Variants in SLC5A3 observed in about 807,000 individuals in gnomAD.
SLC5A3 encodes the protein solute carrier family 5 member 3.
SLC5A3 carries 10 observed loss-of-function variants against 43.2 expected under a neutral mutation model. That is an observed-to-expected ratio of 0.23 (90% CI 0.14 to 0.39). SLC5A3 has a LOEUF of 0.39. Among genes scored for constraint, SLC5A3 ranks in the 10% least tolerant of loss-of-function variants. The pLI is 1.00. For synonymous variants in SLC5A3, 349 were observed against 322.0 expected (o/e 1.08, Z -0.90); for missense variants, 608 against 893.4 (o/e 0.68, Z 4.07).
At position 34,095,747 on chromosome 21, in the gene SLC5A3, C is replaced by T. The variant is rs371781200; in HGVS notation, c.549C>T (p.Tyr183=). The T allele has an allele frequency of 9.3e-5, 150 of 1,613,914 alleles. No homozygotes were observed. Among genetic ancestry groups the T allele is most frequent in the Non-Finnish European group, 1.2e-4 (141 of 1,179,988 alleles). Residue 183 remains tyrosine, a synonymous_variant, in exon 2 of 2, where the codon TAC becomes TAT. Coordinates refer to ENST00000381151, the MANE Select transcript of SLC5A3 (RefSeq NM_006933.7). The stretch of plus-strand genomic sequence containing the variant: ...CCGGAGGCCTTGTTGCAGTGATCTA[C>T]ACAGACACTCTGCAGGCTCTGCTCA... ...TVTGGLVAVI[Y]TDTLQALLMI... is the part of the protein sequence containing the mutation.
chr21:34,096,231 G>A lies in SLC5A3; in HGVS notation c.1033G>A (p.Gly345Ser). ...CATGCTGGTGTGTGGAAGCAGAGCT[G>A]GTTGCTCCAATATTGCTTACCCACG... ...HCMLVCGSRA[G>S]CSNIAYPRLV... Residue 345 changes from glycine to serine, a missense_variant, in exon 2 of 2, where the codon GGT becomes AGT. Gly to Ser is a moderately conservative substitution (Grantham distance 56, BLOSUM62 0). Transcript: ENST00000381151. This position sits in a 1 kb window ranked among gnomAD's most constrained non-coding sequence, Gnocchi z 5.9. The A allele has an allele frequency of 6.2e-7, 1 of 1,614,136 alleles. No individual in the cohort carries two copies. The highest frequency in any genetic ancestry group is 8.5e-7 in the Non-Finnish European group (1 of 1,180,008).
rs992860529 is a variant in SLC5A3, at chr21:34,105,259, C to T, written c.*7904C>T. On this transcript the variant is annotated 3_prime_UTR_variant, in exon 2 of 2. Transcript: ENST00000381151. The stretch of plus-strand genomic sequence containing the variant: ...GACATCCCATTTTCTTTTGTCCAGA[C>T]CCATGTTGGCAATCATGTATGAACT... The T allele has an allele frequency of 9.0e-6, 9 of 1,000,058 alleles. No individual in the cohort carries two copies. The highest frequency in any genetic ancestry group is 9.6e-6 in the Non-Finnish European group (8 of 829,984). The allele number at this position is 1,000,058 out of a possible 1,614,324, so 61.9% of individuals were successfully genotyped here.
intron 1 of SLC5A3, among the ~76,000 whole-genome samples, chr21:34,093,577 C>T (rs541260910): frequency 6.6e-6 from 1 of 151,594 alleles, no homozygotes; most frequent in East Asian, 1.9e-4. Flanking sequence ...AGGAAAATGC[C>T]TAGAATCATC....
At chr21:34,089,336 T>A (rs191410468) in intron 1 of SLC5A3, among the ~76,000 whole-genome samples, 71 of 152,060 alleles carry the variant, frequency 4.7e-4, no homozygotes, top group Non-Finnish European at 9.7e-4. Flanking sequence ...CATGTTTTCA[T>A]TTATCTTTAA....
chr21:34,098,286 A>C lies in SLC5A3; in HGVS notation c.*931A>C. The C allele has an allele frequency of 1.0e-6, 1 of 1,000,064 alleles. No individual in the cohort carries two copies. The highest frequency in any genetic ancestry group is 1.2e-6 in the Non-Finnish European group (1 of 829,938). 61.9% of individuals were successfully genotyped at this position (1,000,064 alleles called of 1,614,324 possible). A position where few individuals can be genotyped will look rare whatever the true frequency, so the allele number is the denominator to read the frequency against. ...TGTTATTTGGAAAAATTATTAGCCA[A>C]ATGCCTTCCTAGGTGGATCCAGTTG... On this transcript the variant is annotated 3_prime_UTR_variant, in exon 2 of 2. Transcript: ENST00000381151.
rs1306158265 is a variant in SLC5A3 at position 34,105,340 on chromosome 21, T to C, written c.*7985T>C. On this transcript the variant is annotated 3_prime_UTR_variant, in exon 2 of 2. Transcript: ENST00000381151. ...TTTTTGATAAGATGGATATCAAAAA[T>C]AGTTGCTGTGCAAAAGTTAGTAGTC... 6.0e-6 allele frequency: 6 copies of C among 999,614 alleles called. No individual in the cohort carries two copies. The highest frequency in any genetic ancestry group is 7.2e-6 in the Non-Finnish European group (6 of 829,556). 61.9% of individuals were successfully genotyped at this position (999,614 alleles called of 1,614,324 possible). A position where few individuals can be genotyped will look rare whatever the true frequency, so the allele number is the denominator to read the frequency against.
chr21:34,095,908 A>G lies in SLC5A3; in HGVS notation c.710A>G (p.Asn237Ser). ...TTGACATACAACCTTTCCAACACAAATTCTTGTAATGTCTCCCCTAAGAAA... is the reference window on the plus strand; with the variant it reads ...TTGACATACAACCTTTCCAACACAAGTTCTTGTAATGTCTCCCCTAAGAAA... ...ILLTYNLSNTNSCNVSPKKEA... is the reference protein window; with the variant it reads ...ILLTYNLSNTSSCNVSPKKEA... The change falls in exon 2 of 2, where the codon AAT (asparagine) becomes AGT (serine). Residue 237 changes from asparagine (N) to serine (S), a missense_variant. Transcript: ENST00000381151. 6.2e-7 allele frequency: 1 copy of G among 1,614,122 alleles called. No homozygotes were observed. The highest frequency in any genetic ancestry group is 8.5e-7 in the Non-Finnish European group (1 of 1,179,996).
chr21:34,093,207 G>A (rs62212118), intron 1 of SLC5A3, among the ~76,000 whole-genome samples: 8,928 of 151,144 alleles, frequency 0.059, 303 homozygotes, highest in Middle Eastern at 0.13. Context: ...GATTTGGCAG[G>A]TATGAAGTGA....
chr21:34,074,622 A>G (rs1339434761), intron 1 of SLC5A3, among the ~76,000 whole-genome samples: 1 of 152,194 alleles, frequency 6.6e-6, no homozygotes, highest in African/African-American at 2.4e-5. Flanking sequence ...TCGTCGCCGA[A>G]ATCCCCATTC....
chr21:34,101,754 T>G lies in SLC5A3; in HGVS notation c.*4399T>G. 1.0e-6 allele frequency: 1 copy of G among 993,876 alleles called. No individual in the cohort carries two copies. The highest frequency in any genetic ancestry group is 1.2e-6 in the Non-Finnish European group (1 of 824,382). 61.6% of individuals were successfully genotyped at this position (993,876 alleles called of 1,614,324 possible). The stretch of plus-strand genomic sequence containing the variant: ...ATGACTCATTAAATATAATTATGTT[T>G]TAAGTATACTGAATTTCTGTTAGCT... On this transcript the variant is annotated 3_prime_UTR_variant, in exon 2 of 2. Transcript: ENST00000381151.
chr21:34,090,046 A>G (rs1316562564), intron 1 of SLC5A3, among the ~76,000 whole-genome samples: 1 of 152,168 alleles, frequency 6.6e-6, no homozygotes, highest in South Asian at 2.1e-4. Context: ...TCCAGTGAGC[A>G]TTTCCTTTGA....
rs926607646 is a variant in SLC5A3, at chr21:34,104,884, G to T, written c.*7529G>T. Reference sequence around the variant, plus strand: ...AACTGTACAAAAAAATGCTTCTGGAGATTTCTTTGGCAGAAATGCCTTTCA... The same window carrying T: ...AACTGTACAAAAAAATGCTTCTGGATATTTCTTTGGCAGAAATGCCTTTCA... On this transcript the variant is annotated 3_prime_UTR_variant, in exon 2 of 2. Coordinates refer to ENST00000381151, the MANE Select transcript of SLC5A3 (RefSeq NM_006933.7). 8.0e-6 allele frequency: 8 copies of T among 1,000,098 alleles called. No individual in the cohort carries two copies. In the African/African-American group the frequency reaches 1.2e-4, roughly 15 times the overall value. 62.0% of individuals were successfully genotyped at this position (1,000,098 alleles called of 1,614,324 possible).
Position 34,101,422 on chromosome 21 carries a change from T to A in SLC5A3, c.*4067T>A. The A allele has an allele frequency of 1.0e-6, 1 of 1,000,210 alleles. No individual in the cohort carries two copies. The allele number at this position is 1,000,210 out of a possible 1,614,324, so 62.0% of individuals were successfully genotyped here. On this transcript the variant is annotated 3_prime_UTR_variant, in exon 2 of 2. Transcript: ENST00000381151. ...AAAAATGCTTTGAGGCTTCAGTATT[T>A]GTAAGATTTTGCATTAGCCAGATGC...
chr21:34,079,254 T>C (rs1989403916), intron 1 of SLC5A3, among the ~76,000 whole-genome samples: 1 of 152,230 alleles, frequency 6.6e-6, no homozygotes, highest in African/African-American at 2.4e-5. Flanking sequence ...TCAGAGTCCA[T>C]AAGTAAAGTT....
chr21:34,100,891 A>G lies in SLC5A3; in HGVS notation c.*3536A>G, dbSNP rs1014287460. ...CTTATTAGCTACTCAGTTACTTGCT[A>G]CTCAAAGGTTAGGTCTTCCCTGTTC... On this transcript the variant is annotated 3_prime_UTR_variant, in exon 2 of 2. Transcript: ENST00000381151. 2.0e-6 allele frequency: 2 copies of G among 1,000,016 alleles called. No homozygotes were observed. The highest frequency in any genetic ancestry group is 1.7e-5 in the African/African-American group (1 of 57,206). 61.9% of individuals were successfully genotyped at this position (1,000,016 alleles called of 1,614,324 possible). A position where few individuals can be genotyped will look rare whatever the true frequency, so the allele number is the denominator to read the frequency against.
intron 1 of SLC5A3, among the ~76,000 whole-genome samples, chr21:34,084,080 T>C (rs1272864412): frequency 6.6e-6 from 1 of 152,214 alleles, no homozygotes; most frequent in Non-Finnish European, 1.5e-5. Flanking sequence ...TTTCTACCAG[T>C]CCCTCCAAAT....
At position 34,098,316 on chromosome 21, in the gene SLC5A3, A is replaced by G. The variant is rs569113784; in HGVS notation, c.*961A>G. ...CTTCCTAGGTGGATCCAGTTGGAAG[A>G]TATGTCCAGAAACCTGAAGAAAAAT... On this transcript the variant is annotated 3_prime_UTR_variant, in exon 2 of 2. Transcript: ENST00000381151. 2.0e-6 allele frequency: 2 copies of G among 1,000,032 alleles called. No homozygotes were observed. The highest frequency in any genetic ancestry group is 2.4e-6 in the Non-Finnish European group (2 of 829,942). 61.9% of individuals were successfully genotyped at this position (1,000,032 alleles called of 1,614,324 possible).
chr21:34,080,110 A>G (rs1169603140), intron 1 of SLC5A3, among the ~76,000 whole-genome samples: 1 of 152,158 alleles, frequency 6.6e-6, no homozygotes, highest in African/African-American at 2.4e-5. Context: ...TGAGGGGAGG[A>G]TAGCTAATAC....
Position 34,101,437 on chromosome 21 carries a change from T to G in SLC5A3, c.*4082T>G, listed in dbSNP as rs1162692817. On this transcript the variant is annotated 3_prime_UTR_variant, in exon 2 of 2. Coordinates refer to ENST00000381151, the MANE Select transcript of SLC5A3 (RefSeq NM_006933.7). ...CTTCAGTATTTGTAAGATTTTGCAT[T>G]AGCCAGATGCTAGGTTGTTGAAGGC... is the stretch of plus-strand genomic sequence containing the variant. 1.1e-5 allele frequency: 11 copies of G among 1,000,078 alleles called. No individual in the cohort carries two copies. The highest frequency in any genetic ancestry group is 1.1e-4 in the East Asian group (1 of 8,826). The allele number at this position is 1,000,078 out of a possible 1,614,324, so 62.0% of individuals were successfully genotyped here.
Sources: allele counts gnomAD v4.1 joint callset (sites outside exome capture counted in the v4.1 genomes callset), GRCh38; gene constraint gnomAD v4.1.1; non-coding constraint Gnocchi (gnomAD v3.1); transcripts MANE v1.5; gene names NCBI Gene and HGNC (gene_info 2026-07-23, HGNC 2026-07-21).